The following IFT74 variants were observed in gnomAD, a reference collection of about 807,000 sequenced individuals.
IFT74 encodes the protein intraflagellar transport protein 74 homolog.
In IFT74, 92 loss-of-function variants were observed where a neutral mutation model predicts 96.7. The observed-to-expected ratio is 0.95, with a 90% CI of 0.80 to 1.13. The LOEUF (loss-of-function observed/expected upper bound fraction) is 1.13, where lower values mean the gene tolerates loss of function less well. Among genes scored for constraint, IFT74 ranks in the 50% most tolerant of loss-of-function variants. The probability of loss-of-function intolerance (pLI) is 0.00; values close to 1 mark genes in which losing one functional copy is unlikely to be tolerated. For missense variants in IFT74, 811 were observed against 698.2 expected (o/e 1.16, Z -1.82); for synonymous variants, 223 against 213.2 (o/e 1.05, Z -0.40).
intron 8 of IFT74, 23 bp from the exon 9 acceptor site, chr9:27,008,997 A>C (rs1260618019): frequency 6.3e-7 from 1 of 1,594,532 alleles, no homozygotes; most frequent in Non-Finnish European, 8.6e-7. Context: ...AGTATCAGGA[A>C]TATTACGTGC....
At chr9:26,947,598 T>G (rs1329170916) in intron 1 of IFT74, 1 of 152,736 alleles carries the variant, frequency 6.5e-6, no homozygotes, top group Non-Finnish European at 1.5e-5. Context: ...TGAGTGAGGT[T>G]GTTTGGTGTC....
chr9:27,032,891 C>CTTAAACTTATTTTAA (rs1830189836), intron 13 of IFT74, among the ~76,000 whole-genome samples: 1 of 151,730 alleles, frequency 6.6e-6, no homozygotes, highest in South Asian at 2.1e-4. Flanking sequence ...AAAAAAAAGT[C>CTTAAACTTATTTTAA]TTTTAAACTA....
chr9:26,970,024 G>T (rs981860664), intron 2 of IFT74, among the ~76,000 whole-genome samples: 1 of 151,064 alleles, frequency 6.6e-6, no homozygotes, highest in African/African-American at 2.4e-5. Context: ...TTTTTTATTT[G>T]TTGTTGTTTT....
At chr9:26,989,701 G>C (rs1339842115) in intron 7 of IFT74, among the ~76,000 whole-genome samples, 1 of 152,024 alleles carries the variant, frequency 6.6e-6, no homozygotes, top group Admixed American at 6.6e-5. Context: ...TGGGATGGGG[G>C]GTCTGTTTTC....
intron 16 of IFT74, among the ~76,000 whole-genome samples, chr9:27,055,253 G>A (rs777769584): frequency 4.6e-5 from 7 of 152,038 alleles, no homozygotes; most frequent in Middle Eastern, 6.8e-3. Context: ...TTATAACTTG[G>A]TTTTTTCCCT....
intron 1 of IFT74, among the ~76,000 whole-genome samples, chr9:26,948,448 ATTTTTTTTTTTTTTTTTTTTT>A (rs71841244): frequency 7.9e-4 from 47 of 59,164 alleles, no homozygotes; most frequent in African/African-American, 1.3e-3. Flanking sequence ...GCTTTCCATT[ATTTTTTTTTTTTTTTTTTTTT>A]TTTTTTTTTT....
At chr9:26,992,624 C>G (rs1219249111) in intron 8 of IFT74, among the ~76,000 whole-genome samples, 1 of 151,588 alleles carries the variant, frequency 6.6e-6, no homozygotes, top group Non-Finnish European at 1.5e-5. Context: ...ACCCAGGAGG[C>G]GGAGGGTTCA....
chr9:26,990,386 GTA>G (rs1827811516), intron 8 of IFT74, among the ~76,000 whole-genome samples, 191 bp downstream of exon 8: 1 of 151,992 alleles, frequency 6.6e-6, no homozygotes, highest in Non-Finnish European at 1.5e-5. Flanking sequence ...CCTAAATTCT[GTA>G]TAAAGACTAT....
At position 27,064,827 on chromosome 9, in the gene IFT74, T is replaced by A. The variant is rs917652350; in HGVS notation, c.*2091T>A. ...TAACCAACTTAGTAATTTTTACTAT[T>A]AGTAATAAGGGTTTTTTTCTGAGTG... is the stretch of plus-strand genomic sequence containing the variant. On this transcript the variant is annotated 3_prime_UTR_variant, in exon 20 of 20. Coordinates refer to ENST00000380062, the MANE Select transcript of IFT74 (RefSeq NM_025103.4). Among the ~76,000 whole-genome samples, 2 of 152,116 alleles carry A rather than the reference T, an allele frequency of 1.3e-5. No homozygotes were observed. The highest frequency in any genetic ancestry group is 6.5e-5 in the Admixed American group (1 of 15,268).
At chr9:26,947,556 T>G (rs1260651836) in intron 1 of IFT74, 1 of 153,416 alleles carries the variant, frequency 6.5e-6, no homozygotes, top group South Asian at 1.9e-4. Context: ...ATTTTAAACC[T>G]GAGTCTTTCG....
At chr9:27,022,768 G>A (rs1440147519) in intron 12 of IFT74, among the ~76,000 whole-genome samples, 1 of 151,450 alleles carries the variant, frequency 6.6e-6, no homozygotes, top group South Asian at 2.1e-4. Context: ...TCAGCCTCCC[G>A]AGTAGCTGGG....
intron 19 of IFT74, among the ~76,000 whole-genome samples, chr9:27,061,726 T>C (rs1029210703): frequency 1.0e-4 from 15 of 150,728 alleles, no homozygotes; most frequent in Non-Finnish European, 1.9e-4. Flanking sequence ...TAGTTGTTTG[T>C]TGTTTATATG....
intron 16 of IFT74, among the ~76,000 whole-genome samples, chr9:27,054,898 T>C (rs1331768088): frequency 6.6e-6 from 1 of 152,230 alleles, no homozygotes; most frequent in Non-Finnish European, 1.5e-5. Flanking sequence ...GTGCTAAGTG[T>C]TCCTAAGGCA....
intron 8 of IFT74, among the ~76,000 whole-genome samples, chr9:27,003,699 C>G (rs535155011): frequency 3.3e-5 from 5 of 152,286 alleles, no homozygotes; most frequent in Admixed American, 2.6e-4. Context: ...TCTACCTTTT[C>G]TCTTTCCATA....
intron 14 of IFT74, 47 bp from the exon 15 acceptor site, chr9:27,047,227 T>C: frequency 9.0e-7 from 1 of 1,114,984 alleles, no homozygotes. Flanking sequence ...GTTTATATAG[T>C]GTTAACTCTA....
At position 26,977,804 on chromosome 9, in the gene IFT74, A is replaced by G. The variant is rs12003566; in HGVS notation, c.121-324A>G. Among the ~76,000 whole-genome samples, 10,905 of 152,200 alleles carry G rather than the reference A, an allele frequency of 0.072. 566 individuals carry two copies. The highest frequency in any genetic ancestry group is 0.14 in the African/African-American group (5,948 of 41,504). On this transcript the variant is annotated intron_variant, in intron 2 of 19. Coordinates refer to ENST00000380062, the MANE Select transcript of IFT74 (RefSeq NM_025103.4). ...ACACCCAACTTAAACTGCCCTTTTT[A>G]TATACTGCAGCTTATTTAACCATTT...
chr9:26,985,393 G>C (rs1458607383), intron 6 of IFT74, among the ~76,000 whole-genome samples: 1 of 152,008 alleles, frequency 6.6e-6, no homozygotes, highest in Non-Finnish European at 1.5e-5. Flanking sequence ...AAACCCCCAT[G>C]ACAGTTTATC....
chr9:27,009,720 C>A (rs1828957769), intron 9 of IFT74, among the ~76,000 whole-genome samples: 1 of 151,344 alleles, frequency 6.6e-6, no homozygotes, highest in Non-Finnish European at 1.5e-5. Context: ...ATTTACTTTC[C>A]TTTTCCTTCC....
chr9:27,008,339 A>C (rs1828886886), intron 8 of IFT74, among the ~76,000 whole-genome samples: 1 of 151,656 alleles, frequency 6.6e-6, no homozygotes, highest in Admixed American at 6.6e-5. Context: ...ATGCTTTAAA[A>C]CCACAATTCT....
Sources: gnomAD v4.1 joint callset for allele counts (sites outside exome capture counted in the v4.1 genomes callset) on GRCh38, gnomAD v4.1.1 for gene constraint, MANE v1.5 for transcripts, NCBI Gene and HGNC (gene_info 2026-07-23, HGNC 2026-07-21) for gene names.